CD36: variants seen among roughly 807,000 people sequenced by gnomAD.
CD36 encodes platelet glycoprotein 4.
A neutral mutation model predicts 55.2 loss-of-function variants in CD36; 119 were observed. The ratio of observed to expected loss-of-function variants is 2.15; its 90% confidence interval spans 1.86 to 2.51. The LOEUF (loss-of-function observed/expected upper bound fraction) is 2.51, where lower values mean the gene tolerates loss of function less well. CD36 is among the 30% of genes most tolerant of loss of function. CD36 has a pLI of 0.00. For missense variants in CD36, 819 were observed against 555.5 expected (o/e 1.47, Z -4.77); for synonymous variants, 186 against 193.6 (o/e 0.96, Z 0.33).
intron 10 of CD36, among the ~76,000 whole-genome samples, chr7:80,671,604 G>T (rs1415507617): frequency 6.6e-6 from 1 of 151,918 alleles, no homozygotes; most frequent in East Asian, 1.9e-4. Context: ...TAAAGCTAGA[G>T]TTAAACATAA....
At chr7:80,605,914 G>A (rs899503164) in intron 1 of CD36, among the ~76,000 whole-genome samples, 2 of 152,106 alleles carry the variant, frequency 1.3e-5, no homozygotes, top group African/African-American at 4.8e-5. Flanking sequence ...AGGGATAAGA[G>A]CATTCCTTAC....
At chr7:80,630,098 T>C (rs1793987817) in intron 1 of CD36, among the ~76,000 whole-genome samples, 1 of 152,066 alleles carries the variant, frequency 6.6e-6, no homozygotes, top group Admixed American at 6.6e-5. Flanking sequence ...AGAATTAAAA[T>C]ATTTAATACT....
intron 7 of CD36, among the ~76,000 whole-genome samples, chr7:80,665,054 A>G (rs1293944037): frequency 6.6e-6 from 1 of 152,108 alleles, no homozygotes; most frequent in Non-Finnish European, 1.5e-5. Flanking sequence ...CATATTGATA[A>G]CTCAGCTTTT....
At chr7:80,629,403 G>T (rs772975415) in intron 1 of CD36, among the ~76,000 whole-genome samples, 1 of 152,020 alleles carries the variant, frequency 6.6e-6, no homozygotes, top group Non-Finnish European at 1.5e-5. Context: ...CTGGGCAAAT[G>T]TATGTCCTAT....
At chr7:80,641,942 CAAA>C (rs35775198) in intron 1 of CD36, among the ~76,000 whole-genome samples, 73 of 147,988 alleles carry the variant, frequency 4.9e-4, no homozygotes, top group South Asian at 2.1e-3. Context: ...ACCTGATAAC[CAAA>C]AAAAAAAAAA....
At chr7:80,649,046 G>A (rs774862542) in intron 3 of CD36, among the ~76,000 whole-genome samples, 7 of 151,996 alleles carry the variant, frequency 4.6e-5, no homozygotes, top group Admixed American at 6.6e-5. Context: ...AATAGTCGTC[G>A]GTATGTTTTT....
At chr7:80,617,382 T>TA (rs964890899) in intron 1 of CD36, among the ~76,000 whole-genome samples, 76 of 148,540 alleles carry the variant, frequency 5.1e-4, no homozygotes, top group East Asian at 7.8e-4. Flanking sequence ...ACTTAAAAGT[T>TA]AAAAAAAAAA....
chr7:80,662,847 T>C, intron 5 of CD36, 143 bp from the exon 6 acceptor site: 3 of 697,818 alleles, frequency 4.3e-6, no homozygotes, highest in Non-Finnish European at 7.5e-6. Flanking sequence ...GAATTGCATT[T>C]TGAGTTTTGG....
chr7:80,627,555 C>G (rs927482662), intron 1 of CD36, among the ~76,000 whole-genome samples: 10 of 151,438 alleles, frequency 6.6e-5, no homozygotes, highest in Admixed American at 1.3e-4. Context: ...GAATCAAACT[C>G]TTATCAAGGG....
rs997450235 is a variant in CD36, at chr7:80,663,365, A to G, written c.609+196A>G. ...TTGGGAAATTCATCTGAATTTAACAATTAAATTTAAACCTGAAGAATAGAT... is the reference window on the plus strand; with the variant it reads ...TTGGGAAATTCATCTGAATTTAACAGTTAAATTTAAACCTGAAGAATAGAT... On this transcript the variant is annotated intron_variant, in intron 6 of 14. Transcript: ENST00000447544. Among the ~76,000 whole-genome samples the G allele has an allele frequency of 7.1e-4, 108 of 152,306 alleles. 1 individual carries two copies. The highest frequency in any genetic ancestry group is 2.4e-3 in the African/African-American group (100 of 41,580).
At position 80,656,713 on chromosome 7, in the gene CD36, C is replaced by T; in HGVS notation, c.281+13C>T. 6.2e-7 allele frequency: 1 copy of T among 1,610,036 alleles called. No homozygotes were observed. Reference sequence around the variant, plus strand: ...CTTATACGTACAGGTGAGTGAGTCCCCACAAATATGAGACACTCTTACCTT... The same window carrying T: ...CTTATACGTACAGGTGAGTGAGTCCTCACAAATATGAGACACTCTTACCTT... On this transcript the variant is annotated intron_variant, in intron 4 of 14. Coordinates refer to ENST00000447544, the MANE Select transcript of CD36 (RefSeq NM_001001548.3).
intron 4 of CD36, among the ~76,000 whole-genome samples, chr7:80,658,276 T>TAC (rs3044693): frequency 0.29 from 43,229 of 151,060 alleles, 6,918 homozygotes; most frequent in South Asian, 0.44. Context: ...CATATATATA[T>TAC]ACACACATAT....
At chr7:80,648,910 A>G (rs1463977453) in intron 3 of CD36, among the ~76,000 whole-genome samples, 1 of 152,130 alleles carries the variant, frequency 6.6e-6, no homozygotes, top group Non-Finnish European at 1.5e-5. Context: ...GGAAGGAAGA[A>G]GGTAGAGAAT....
chr7:80,649,248 G>T (rs1244209365), intron 3 of CD36, among the ~76,000 whole-genome samples: 1 of 152,018 alleles, frequency 6.6e-6, no homozygotes, highest in East Asian at 1.9e-4. Flanking sequence ...AATAGGGAAA[G>T]AAGTCATTCT....
chr7:80,654,193 T>C (rs1328631805), intron 3 of CD36, among the ~76,000 whole-genome samples: 3 of 152,184 alleles, frequency 2.0e-5, no homozygotes, highest in Non-Finnish European at 4.4e-5. Flanking sequence ...AGATGGACAC[T>C]CATTGTAGAG....
intron 3 of CD36, among the ~76,000 whole-genome samples, chr7:80,649,161 T>C (rs1795407780): frequency 6.6e-6 from 1 of 152,096 alleles, no homozygotes; most frequent in Non-Finnish European, 1.5e-5. Context: ...TCTTCAAAAA[T>C]ATCTGTGAGA....
chr7:80,652,181 TG>T (rs1562797400), intron 3 of CD36, among the ~76,000 whole-genome samples: 2 of 152,194 alleles, frequency 1.3e-5, no homozygotes, highest in Admixed American at 6.6e-5. Flanking sequence ...TGCATATAGC[TG>T]TAATAACAAA....
At chr7:80,654,443 GAAT>G (rs2116540602) in intron 3 of CD36, among the ~76,000 whole-genome samples, 2 of 152,268 alleles carry the variant, frequency 1.3e-5, no homozygotes, top group Non-Finnish European at 2.9e-5. Context: ...AGTGTGAGGA[GAAT>G]AATGTTTGTG....
At chr7:80,671,887 A>T in intron 10 of CD36, 35 bp from the exon 11 acceptor site, 1 of 1,596,240 alleles carries the variant, frequency 6.3e-7, no homozygotes, top group Non-Finnish European at 8.6e-7. Context: ...GAAGGAAGTT[A>T]TTAATTCCAA....
Sources: allele counts gnomAD v4.1 joint callset (sites outside exome capture counted in the v4.1 genomes callset), GRCh38; gene constraint gnomAD v4.1.1; transcripts MANE v1.5; gene names NCBI Gene and HGNC (gene_info 2026-07-23, HGNC 2026-07-21).